Variants in ARL13B observed in about 807,000 individuals in gnomAD.
ARL13B encodes the protein ARF like GTPase 13B.
A neutral mutation model predicts 56.1 loss-of-function variants in ARL13B; 36 were observed. The ratio of observed to expected loss-of-function variants is 0.64; its 90% CI spans 0.49 to 0.85. The LOEUF is 0.85. ARL13B is among the 40% of genes least tolerant of loss of function. The pLI is 0.00. For missense variants in ARL13B, 519 were observed against 507.1 expected, an observed-to-expected ratio of 1.02 and a Z score of -0.23; for synonymous variants, 178 against 171.1, an observed-to-expected ratio of 1.04 and a Z score of -0.32.
At chr3:94,014,264 A>G (rs2076280467) in intron 3 of ARL13B, 1 of 795,486 alleles carries the variant, frequency 1.3e-6, no homozygotes, top group Non-Finnish European at 1.8e-6. Flanking sequence ...GGGGAAAATT[A>G]CAACTTAACA....
rs764596177 is a variant in ARL13B at position 94,055,595 on chromosome 3, T to G, written c.*2332T>G. On this transcript the variant is annotated 3_prime_UTR_variant, in exon 10 of 10. Coordinates refer to ENST00000394222, the MANE Select transcript of ARL13B (RefSeq NM_001174150.2). The stretch of plus-strand genomic sequence containing the variant: ...TATTTAAAAGAGGCTCTTGTGTGCC[T>G]TTATGTGTAAAATGCATATTACGTA... The G allele has an allele frequency of 9.7e-5, 44 of 453,844 alleles. No individual in the cohort carries two copies. Among genetic ancestry groups the G allele is most frequent in the Admixed American group, 1.9e-4 (8 of 42,548 alleles). The allele number at this position is 453,844 out of a possible 1,614,324, so 28.1% of individuals were successfully genotyped here.
chr3:93,991,377 T>A (rs1376506512), intron 1 of ARL13B, among the ~76,000 whole-genome samples: 1 of 152,196 alleles, frequency 6.6e-6, no homozygotes, highest in Non-Finnish European at 1.5e-5. Flanking sequence ...TGCATGCATG[T>A]ACGAATGAAT....
At chr3:94,039,499 C>CAAAA (rs11437061) in intron 5 of ARL13B, among the ~76,000 whole-genome samples, 29 of 65,110 alleles carry the variant, frequency 4.5e-4, no homozygotes, top group African/African-American at 5.5e-4. Context: ...GACTCCGACT[C>CAAAA]AAAAAAAAAA....
chr3:94,035,549 T>G (rs2076753939), intron 4 of ARL13B, 113 bp downstream of exon 4: 1 of 713,982 alleles, frequency 1.4e-6, no homozygotes, highest in Non-Finnish European at 2.3e-6. Context: ...TTCAAAGAAT[T>G]TTTTGTAACC....
At chr3:94,003,984 A>G (rs1230921206) in intron 3 of ARL13B, 76 bp downstream of exon 3, 3 of 1,594,774 alleles carry the variant, frequency 1.9e-6, no homozygotes, top group Non-Finnish European at 2.6e-6. Context: ...GTTACAGACT[A>G]GTGAATAAGC....
intron 9 of ARL13B, among the ~76,000 whole-genome samples, chr3:94,052,384 TGGAGTACTGTGCACAGTA>T (rs1405313937): frequency 3.3e-5 from 5 of 152,088 alleles, no homozygotes; most frequent in African/African-American, 4.8e-5. Flanking sequence ...GGTGTACAGT[TGGAGTACTGTGCACAGTA>T]GGAGTACTGT....
rs1710137128 is a variant in ARL13B at position 93,980,228 on chromosome 3, A to G, written c.-196A>G. On this transcript the variant is annotated 5_prime_UTR_variant, in exon 1 of 10. Coordinates refer to ENST00000394222, the MANE Select transcript of ARL13B (RefSeq NM_001174150.2). ...CTTTGGTCAGGTTGTTCCTTGGCTA[A>G]GAGGGCAGTCGTCGCGGACCCACGC... is the stretch of plus-strand genomic sequence containing the variant. 1.4e-6 allele frequency: 1 copy of G among 725,980 alleles called. No homozygotes were observed. The highest frequency in any genetic ancestry group is 2.5e-6 in the Non-Finnish European group (1 of 408,096). The allele number at this position is 725,980 out of a possible 1,614,324, so 45.0% of individuals were successfully genotyped here. A position where few individuals can be genotyped will look rare whatever the true frequency, so the allele number is the denominator to read the frequency against.
intron 3 of ARL13B, among the ~76,000 whole-genome samples, chr3:94,017,736 G>T (rs546064206): frequency 6.6e-6 from 1 of 152,296 alleles, no homozygotes; most frequent in East Asian, 1.9e-4. Flanking sequence ...TATTTGAGAT[G>T]TGAGACTGAA....
intron 3 of ARL13B, among the ~76,000 whole-genome samples, chr3:94,010,948 CAG>C (rs1160656027): frequency 1.3e-5 from 2 of 151,966 alleles, no homozygotes; most frequent in Non-Finnish European, 2.9e-5. Context: ...GAAGGAACAA[CAG>C]AGAGACGTCT....
chr3:93,999,528 C>T lies in ARL13B; in HGVS notation c.130+3584C>T, dbSNP rs78473617. 5.1e-4 allele frequency among the ~76,000 whole-genome samples: 77 copies of T among 152,046 alleles called. No homozygotes were observed. In the East Asian group the frequency reaches 8.9e-3, roughly 18 times the overall value. On this transcript the variant is annotated intron_variant, in intron 2 of 9. Coordinates refer to ENST00000394222, the MANE Select transcript of ARL13B (RefSeq NM_001174150.2). ...ATAGGCATGCAAGGCATAATAATTT[C>T]GTCATGAAAAATTGGGTATCTATTC...
At chr3:94,050,951 T>TA (rs2077057116) in intron 9 of ARL13B, 59 bp downstream of exon 9, 1 of 1,512,660 alleles carries the variant, frequency 6.6e-7, no homozygotes, top group Non-Finnish European at 9.1e-7. Flanking sequence ...CACTTTTCTT[T>TA]AGCCTTATAA....
chr3:94,001,425 C>T (rs1454026077), intron 2 of ARL13B, among the ~76,000 whole-genome samples: 1 of 152,098 alleles, frequency 6.6e-6, no homozygotes, highest in East Asian at 1.9e-4. Flanking sequence ...ATATAGTTCT[C>T]CCTTCTCTGT....
At chr3:94,026,755 T>G (rs969793819) in intron 3 of ARL13B, among the ~76,000 whole-genome samples, 1 of 152,192 alleles carries the variant, frequency 6.6e-6, no homozygotes, top group Non-Finnish European at 1.5e-5. Context: ...TTGGAAGAGT[T>G]ATATACAAAT....
At chr3:93,988,270 A>G (rs536386350) in intron 1 of ARL13B, among the ~76,000 whole-genome samples, 10 of 152,150 alleles carry the variant, frequency 6.6e-5, no homozygotes, top group African/African-American at 2.4e-4. Context: ...AATAGAAGTA[A>G]TTTAAAATGT....
chr3:94,014,094 G>T (rs970569614), intron 3 of ARL13B, among the ~76,000 whole-genome samples: 2 of 152,164 alleles, frequency 1.3e-5, no homozygotes, highest in Non-Finnish European at 2.9e-5. Context: ...ATAATATAGA[G>T]CTTGATACCT....
chr3:94,041,928 G>A (rs970962401), intron 6 of ARL13B, among the ~76,000 whole-genome samples: 3 of 152,176 alleles, frequency 2.0e-5, no homozygotes, highest in African/African-American at 4.8e-5. Context: ...GGCGTGGCAC[G>A]AACCTATAAT....
chr3:93,986,783 A>G (rs1467071246), intron 1 of ARL13B, among the ~76,000 whole-genome samples: 5 of 152,154 alleles, frequency 3.3e-5, no homozygotes, highest in Non-Finnish European at 7.3e-5. Flanking sequence ...AGCCTGGCCA[A>G]CATAGTGAAA....
chr3:94,038,721 C>G (rs988514592), intron 5 of ARL13B, among the ~76,000 whole-genome samples: 6 of 151,878 alleles, frequency 4.0e-5, no homozygotes, highest in African/African-American at 1.5e-4. Context: ...CAGGGTTTCA[C>G]CATGTTGATT....
At chr3:94,003,969 T>C in intron 3 of ARL13B, 61 bp downstream of exon 3, 1 of 1,606,724 alleles carries the variant, frequency 6.2e-7, no homozygotes, top group Non-Finnish European at 8.5e-7. Flanking sequence ...TAAAGAAATT[T>C]ACCTGTTACA....
Sources: gnomAD v4.1 joint callset for allele counts (sites outside exome capture counted in the v4.1 genomes callset) on GRCh38, gnomAD v4.1.1 for gene constraint, MANE v1.5 for transcripts, NCBI Gene and HGNC (gene_info 2026-07-23, HGNC 2026-07-21) for gene names.